The following SRGAP1 variants were observed in gnomAD, a reference collection of about 807,000 sequenced individuals.
SRGAP1 encodes SLIT-ROBO Rho GTPase activating protein 1, also known as SLIT-ROBO Rho GTPase-activating protein 1.
SRGAP1 carries 43 observed loss-of-function variants against 121.9 expected under a neutral mutation model. The ratio of observed to expected loss-of-function variants is 0.35; its 90% CI spans 0.28 to 0.46. The LOEUF (loss-of-function observed/expected upper bound fraction) is 0.46. Ranked by LOEUF, SRGAP1 falls within the 20% of genes least tolerant of loss-of-function variation. SRGAP1 has a pLI of 1.00. For synonymous variants in SRGAP1, 447 were observed against 485.4 expected (o/e 0.92, Z 1.04); for missense variants, 1,102 against 1,350.9 (o/e 0.82, Z 2.89).
chr12:64,012,657 A>G (rs111974883), intron 3 of SRGAP1, among the ~76,000 whole-genome samples: 1 of 144,990 alleles, frequency 6.9e-6, no homozygotes, highest in Non-Finnish European at 1.5e-5. Flanking sequence ...GGTTCAAGAG[A>G]TCCTCCCACC....
chr12:63,904,219 G>C (rs1321629863), intron 1 of SRGAP1, among the ~76,000 whole-genome samples: 1 of 152,024 alleles, frequency 6.6e-6, no homozygotes, highest in Non-Finnish European at 1.5e-5. Flanking sequence ...AGTTTTAACT[G>C]GATGCCCACC....
intron 21 of SRGAP1, among the ~76,000 whole-genome samples, chr12:64,129,527 C>A (rs2036750488): frequency 6.6e-6 from 1 of 152,150 alleles, no homozygotes; most frequent in African/African-American, 2.4e-5. Flanking sequence ...TTGCATCCTT[C>A]AATCCAATCA....
chr12:64,009,987 T>G (rs2136453098), intron 3 of SRGAP1, among the ~76,000 whole-genome samples: 1 of 152,282 alleles, frequency 6.6e-6, no homozygotes, highest in African/African-American at 2.4e-5. Flanking sequence ...TGCCTGTGTC[T>G]TCAGAGTTTA....
In SRGAP1 at chr12:64,073,751, G is replaced by A. The variant is rs189018014; in HGVS notation, c.1126-5168G>A. ...CCCACAGTTGGTTGAATTTGTGAAT[G>A]GTTGAATACATGGATACAGAATCCA... On this transcript the variant is annotated intron_variant, in intron 8 of 21. Transcript: ENST00000355086. Among the ~76,000 whole-genome samples the A allele has an allele frequency of 3.4e-4, 51 of 148,756 alleles. 1 individual carries two copies. Among genetic ancestry groups the A allele is most frequent in the African/African-American group, 1.2e-3 (49 of 40,744 alleles).
Position 64,017,484 on chromosome 12 carries a change from G to A in SRGAP1, c.489+472G>A, listed in dbSNP as rs888572075. Among the ~76,000 whole-genome samples, 144 of 152,038 alleles carry A rather than the reference G, an allele frequency of 9.5e-4. 1 individual carries two copies. Among genetic ancestry groups the A allele is most frequent in the African/African-American group, 3.1e-3 (128 of 41,464 alleles). Reference sequence around the variant, plus strand: ...AGCCTGGCCAATGTGGTGAAACCCCGTCTCTATTAAAAATGTAAAAGGTAG... The same window carrying A: ...AGCCTGGCCAATGTGGTGAAACCCCATCTCTATTAAAAATGTAAAAGGTAG... On this transcript the variant is annotated intron_variant, in intron 4 of 21. Coordinates refer to ENST00000355086, the MANE Select transcript of SRGAP1 (RefSeq NM_020762.4).
chr12:64,142,334 C>G lies in SRGAP1; in HGVS notation c.2920C>G (p.Arg974Gly). The G allele has an allele frequency of 6.2e-7, 1 of 1,614,000 alleles. No homozygotes were observed. Among genetic ancestry groups the G allele is most frequent in the Non-Finnish European group, 8.5e-7 (1 of 1,179,964 alleles). Residue 974 changes from arginine to glycine, a missense_variant, in exon 22 of 22, where the codon CGA (arginine) becomes GGA (glycine). By Grantham distance (125) the Arg-to-Gly change is moderately radical (BLOSUM62 -2). Coordinates refer to ENST00000355086, the MANE Select transcript of SRGAP1 (RefSeq NM_020762.4). ...GATGAACACAGCTTTGAATGAACTC[C>G]GAGAACTGGAGAGACAGAGCACAGC... ...ETMNTALNEL[R>G]ELERQSTAKH... is the part of the protein sequence containing the mutation.
intron 1 of SRGAP1, among the ~76,000 whole-genome samples, chr12:63,883,617 C>G (rs766222822): frequency 2.0e-5 from 3 of 151,970 alleles, no homozygotes; most frequent in Non-Finnish European, 2.9e-5. Flanking sequence ...GGAGGTATAC[C>G]TCTATTTTGA....
intron 1 of SRGAP1, among the ~76,000 whole-genome samples, chr12:63,937,723 T>C (rs1313373022): frequency 6.6e-6 from 1 of 152,238 alleles, no homozygotes; most frequent in Non-Finnish European, 1.5e-5. Context: ...TGTAGCATGT[T>C]ATATTAACAC....
At chr12:64,099,377 G>T (rs973448171) in intron 15 of SRGAP1, among the ~76,000 whole-genome samples, 1 of 152,148 alleles carries the variant, frequency 6.6e-6, no homozygotes, top group Non-Finnish European at 1.5e-5. Flanking sequence ...CCTAACATTT[G>T]TCCACTCCCG....
intron 12 of SRGAP1, among the ~76,000 whole-genome samples, chr12:64,091,717 T>A (rs2036055948): frequency 6.6e-6 from 1 of 152,202 alleles, no homozygotes; most frequent in African/African-American, 2.4e-5. Context: ...GCACAAAATA[T>A]TCTTTAAAGT....
At chr12:63,869,631 C>A (rs1292510938) in intron 1 of SRGAP1, among the ~76,000 whole-genome samples, 1 of 152,176 alleles carries the variant, frequency 6.6e-6, no homozygotes, top group Admixed American at 6.5e-5. Context: ...TTCACTATGT[C>A]ATTAAAGCCT....
At chr12:64,109,296 T>C (rs1565684584) in intron 16 of SRGAP1, among the ~76,000 whole-genome samples, 1 of 152,150 alleles carries the variant, frequency 6.6e-6, no homozygotes, top group Non-Finnish European at 1.5e-5. Context: ...ACCACAACTT[T>C]TCAGTGAGAA....
chr12:64,053,687 A>T (rs1026144617), intron 6 of SRGAP1, among the ~76,000 whole-genome samples: 5 of 152,344 alleles, frequency 3.3e-5, no homozygotes, highest in Admixed American at 2.6e-4. Context: ...GTATCATTGT[A>T]GAGGAAAATA....
intron 15 of SRGAP1, among the ~76,000 whole-genome samples, chr12:64,098,419 A>G (rs2036200726): frequency 6.6e-6 from 1 of 151,940 alleles, no homozygotes; most frequent in Admixed American, 6.6e-5. Flanking sequence ...CTATTTCAAT[A>G]TAAAAGCAAA....
At chr12:63,978,742 T>C (rs2033162834) in intron 1 of SRGAP1, among the ~76,000 whole-genome samples, 1 of 152,224 alleles carries the variant, frequency 6.6e-6, no homozygotes, top group African/African-American at 2.4e-5. Flanking sequence ...GGCTGAGTCA[T>C]ATGGTAACTC....
intron 1 of SRGAP1, among the ~76,000 whole-genome samples, chr12:63,958,884 A>G (rs1010824172): frequency 1.3e-5 from 2 of 152,160 alleles, no homozygotes; most frequent in African/African-American, 4.8e-5. Context: ...TGGTGTGTCT[A>G]TTCATCAAGT....
At chr12:64,015,858 A>C (rs1029011765) in intron 3 of SRGAP1, among the ~76,000 whole-genome samples, 3 of 152,226 alleles carry the variant, frequency 2.0e-5, no homozygotes, top group Non-Finnish European at 2.9e-5. Flanking sequence ...AAGCTATGCT[A>C]CACATTTTTT....
intron 8 of SRGAP1, among the ~76,000 whole-genome samples, chr12:64,078,578 TTCA>T (rs1337635930): frequency 6.6e-6 from 1 of 152,352 alleles, no homozygotes; most frequent in African/African-American, 2.4e-5. Flanking sequence ...TTTGTGATAA[TTCA>T]TCATCAAGCT....
intron 6 of SRGAP1, among the ~76,000 whole-genome samples, chr12:64,055,633 A>G (rs2035326070): frequency 6.6e-6 from 1 of 152,064 alleles, no homozygotes; most frequent in Non-Finnish European, 1.5e-5. Flanking sequence ...CCAAAACAGC[A>G]TGGTACTGGT....
Sources: gnomAD v4.1 joint callset for allele counts (sites outside exome capture counted in the v4.1 genomes callset) on GRCh38, gnomAD v4.1.1 for gene constraint, MANE v1.5 for transcripts, NCBI Gene and HGNC (gene_info 2026-07-23, HGNC 2026-07-21) for gene names.